Variants in COL25A1 observed in about 807,000 individuals in gnomAD.
COL25A1 encodes the protein collagen type XXV alpha 1 chain.
Under a neutral mutation model 128.4 loss-of-function variants are expected in COL25A1, and 103 were observed. The ratio of observed to expected loss-of-function variants is 0.80; its 90% CI spans 0.68 to 0.94. The LOEUF (loss-of-function observed/expected upper bound fraction) is 0.94, where lower values mean the gene tolerates loss of function less well. Ranked by LOEUF, COL25A1 falls within the 40% of genes least tolerant of loss-of-function variation. COL25A1 has a pLI of 0.00. For missense variants in COL25A1, 745 were observed against 840.0 expected (o/e 0.89, Z 1.40); for synonymous variants, 279 against 277.2 (o/e 1.01, Z -0.06).
intron 3 of COL25A1, among the ~76,000 whole-genome samples, chr4:109,112,511 AAC>A (rs1165401851): frequency 1.4e-5 from 2 of 143,300 alleles, no homozygotes; most frequent in East Asian, 2.1e-4. Context: ...AGAAAAAAAA[AAC>A]AGTGTTTCTA....
At chr4:109,007,606 A>G (rs1162493268) in intron 6 of COL25A1, among the ~76,000 whole-genome samples, 2 of 152,166 alleles carry the variant, frequency 1.3e-5, no homozygotes, top group African/African-American at 4.8e-5. Flanking sequence ...TTTTAAACTA[A>G]ATGATCATGA....
chr4:109,078,314 T>G (rs1763556752), intron 3 of COL25A1, among the ~76,000 whole-genome samples: 2 of 152,210 alleles, frequency 1.3e-5, no homozygotes, highest in Non-Finnish European at 2.9e-5. Context: ...TCCCTCTGAG[T>G]ATTTACCACA....
rs552960212 is a variant in COL25A1 at position 108,941,256 on chromosome 4, C to T, written c.564+110G>A. 23 of 697,362 alleles carry T rather than the reference C, an allele frequency of 3.3e-5. No homozygotes were observed. In the East Asian group the frequency reaches 5.9e-4, roughly 18 times the overall value. The allele number at this position is 697,362 out of a possible 1,614,324, so 43.2% of individuals were successfully genotyped here. On this transcript the variant is annotated intron_variant, in intron 9 of 37. Transcript: ENST00000399132. ...TTTGAGGATATTTCCAAATAAATGC[C>T]CACATACCACCCACACCCCACCCAT...
chr4:109,119,778 T>C (rs1469527459), intron 3 of COL25A1, among the ~76,000 whole-genome samples: 1 of 152,076 alleles, frequency 6.6e-6, no homozygotes, highest in Non-Finnish European at 1.5e-5. Context: ...TCCTAACTTA[T>C]TCTACAGGGC....
chr4:109,057,430 T>TG (rs1209319147), intron 3 of COL25A1, among the ~76,000 whole-genome samples: 10 of 118,836 alleles, frequency 8.4e-5, no homozygotes, highest in African/African-American at 3.3e-4. Context: ...AATTTTTTTT[T>TG]TTTTTTTTTT....
intron 3 of COL25A1, among the ~76,000 whole-genome samples, chr4:109,200,378 C>T (rs973332518): frequency 1.3e-5 from 2 of 152,150 alleles, no homozygotes; most frequent in Non-Finnish European, 2.9e-5. Context: ...TTTTGAATCA[C>T]CAAATCCATG....
chr4:109,217,444 CTT>C (rs1024993682), intron 3 of COL25A1, among the ~76,000 whole-genome samples: 16 of 152,024 alleles, frequency 1.1e-4, no homozygotes, highest in East Asian at 1.9e-4. Flanking sequence ...TTTATAAACT[CTT>C]TTATAGATAA....
intron 3 of COL25A1, among the ~76,000 whole-genome samples, chr4:109,181,499 T>C (rs1247194507): frequency 1.3e-5 from 2 of 152,162 alleles, no homozygotes; most frequent in East Asian, 1.9e-4. Flanking sequence ...TTTAAAAATA[T>C]TGCTGTGTAT....
At chr4:109,100,849 C>T (rs1449417812) in intron 3 of COL25A1, among the ~76,000 whole-genome samples, 1 of 152,110 alleles carries the variant, frequency 6.6e-6, no homozygotes, top group African/African-American at 2.4e-5. Flanking sequence ...GTGAAATACT[C>T]CCGATTCCAA....
intron 3 of COL25A1, among the ~76,000 whole-genome samples, chr4:109,125,026 C>T (rs1768459275): frequency 1.3e-5 from 2 of 152,068 alleles, no homozygotes; most frequent in African/African-American, 2.4e-5. Context: ...AACCCCCCCA[C>T]ACTTTTCGCC....
intron 3 of COL25A1, among the ~76,000 whole-genome samples, chr4:109,122,621 T>G (rs1361932406): frequency 6.6e-6 from 1 of 152,080 alleles, no homozygotes; most frequent in African/African-American, 2.4e-5. Context: ...TTATACCTTA[T>G]AGCAACTTTG....
intron 8 of COL25A1, among the ~76,000 whole-genome samples, chr4:108,942,719 G>C (rs2125931023): frequency 6.6e-6 from 1 of 150,492 alleles, no homozygotes; most frequent in East Asian, 2.0e-4. Flanking sequence ...CAAAGTACTG[G>C]GATTACAGGC....
intron 19 of COL25A1, among the ~76,000 whole-genome samples, chr4:108,882,196 G>C (rs1385902848): frequency 6.6e-6 from 1 of 151,544 alleles, no homozygotes; most frequent in Non-Finnish European, 1.5e-5. Context: ...GGGTCCAGTG[G>C]GATATTTTTG....
intron 6 of COL25A1, among the ~76,000 whole-genome samples, chr4:108,974,925 C>T (rs77458347): frequency 0.092 from 13,996 of 152,270 alleles, 772 homozygotes; most frequent in Non-Finnish European, 0.13. Context: ...AACCACTATT[C>T]TGACCCCTGA....
intron 3 of COL25A1, among the ~76,000 whole-genome samples, chr4:109,239,898 C>T (rs1462471513): frequency 6.6e-6 from 1 of 151,890 alleles, no homozygotes; most frequent in Non-Finnish European, 1.5e-5. Context: ...ACTTTTTAAA[C>T]CATTTTGTTA....
chr4:108,902,849 T>C (rs1743003234), intron 13 of COL25A1, among the ~76,000 whole-genome samples: 1 of 151,902 alleles, frequency 6.6e-6, no homozygotes, highest in South Asian at 2.1e-4. Context: ...TAACAAAGGA[T>C]AAGAACTTGG....
Position 108,813,706 on chromosome 4 carries a change from A to G in COL25A1, c.*221T>C. ...ACGTATCTTCACATAAGATAAGGAG[A>G]TACTGATCTATATTTTTTGCAGGAT... On this transcript the variant is annotated 3_prime_UTR_variant, in exon 38 of 38. Coordinates refer to ENST00000399132, the MANE Select transcript of COL25A1 (RefSeq NM_198721.4). 2.0e-6 allele frequency: 1 copy of G among 509,718 alleles called. No individual in the cohort carries two copies. The highest frequency in any genetic ancestry group is 3.2e-5 in the South Asian group (1 of 30,858). 31.6% of individuals were successfully genotyped at this position (509,718 alleles called of 1,614,324 possible).
chr4:108,868,580 A>AGAAG (rs1385330465), intron 20 of COL25A1, among the ~76,000 whole-genome samples: 11 of 134,998 alleles, frequency 8.1e-5, no homozygotes, highest in South Asian at 2.5e-4. Context: ...AGAGAGAGAA[A>AGAAG]GAAGGAAGGA....
intron 3 of COL25A1, among the ~76,000 whole-genome samples, chr4:109,153,059 AT>A (rs1771666860): frequency 6.6e-6 from 1 of 152,162 alleles, no homozygotes; most frequent in Non-Finnish European, 1.5e-5. Context: ...TTATACCACA[AT>A]TTTAAAGATT....
Sources: gnomAD v4.1 joint callset for allele counts (sites outside exome capture counted in the v4.1 genomes callset) on GRCh38, gnomAD v4.1.1 for gene constraint, MANE v1.5 for transcripts, NCBI Gene and HGNC (gene_info 2026-07-23, HGNC 2026-07-21) for gene names.